The following MYO7B variants were observed in gnomAD, a reference collection of about 807,000 sequenced individuals.
The protein encoded by MYO7B is unconventional myosin-VIIb.
MYO7B carries 212 observed loss-of-function variants against 259.7 expected under a neutral mutation model. That is an observed-to-expected ratio of 0.82 (90% confidence interval 0.73 to 0.91). MYO7B has a LOEUF of 0.91. Ranked by LOEUF, MYO7B falls within the 40% of genes least tolerant of loss-of-function variation. The probability of loss-of-function intolerance (pLI) is 0.00; values close to 1 mark genes in which losing one functional copy is unlikely to be tolerated. For missense variants in MYO7B, 2,732 were observed against 2,813.5 expected (o/e 0.97, Z 0.66); for synonymous variants, 1,197 against 1,166.4 (o/e 1.03, Z -0.54).
intron 1 of MYO7B, among the ~76,000 whole-genome samples, chr2:127,541,594 T>C (rs1472387379): frequency 2.0e-5 from 3 of 152,136 alleles, no homozygotes; most frequent in Non-Finnish European, 4.4e-5. Context: ...CACTTGCCCA[T>C]ACCTACACGG....
chr2:127,617,488 T>TTTG (rs1680616067), intron 26 of MYO7B, among the ~76,000 whole-genome samples: 1 of 33,008 alleles, frequency 3.0e-5, no homozygotes, highest in Non-Finnish European at 5.4e-5. Flanking sequence ...TGTAACGGGG[T>TTTG]TTTTTTTTTT....
rs1224513223 is a variant in MYO7B at position 127,592,949 on chromosome 2, C to T, written c.2145+3C>T. On this transcript the variant is annotated splice_donor_region_variant and intron_variant, in intron 17 of 47. Coordinates refer to ENST00000409816, the MANE Select transcript of MYO7B (RefSeq NM_001393586.1). The stretch of plus-strand genomic sequence containing the variant: ...TGCCCAACGCCATGCGGATGCAGGT[C>T]AGCGCCCCTCGGGGACGGTCACCTC... 1.3e-6 allele frequency: 2 copies of T among 1,581,522 alleles called. No homozygotes were observed. The highest frequency in any genetic ancestry group is 1.7e-6 in the Non-Finnish European group (2 of 1,164,750).
In MYO7B at chr2:127,607,221, G is replaced by C. The variant is rs1179625141; in HGVS notation, c.2440G>C (p.Glu814Gln). Residue 814 changes from glutamate to glutamine, a missense_variant, in exon 21 of 48, where the codon GAG becomes CAG. Around this residue, in one of 3 missense-constraint regions of MYO7B, gnomAD observed 1,906 missense variants for 2,026.4 expected, o/e 0.94. Coordinates refer to ENST00000409816, the MANE Select transcript of MYO7B (RefSeq NM_001393586.1). The surrounding 1 kb of genome is among the most constrained non-coding windows in gnomAD (Gnocchi z 4.4). ...GCCTCCGCAGATCCTCGTGGGCTTTGAGCGCCTGCAGGCTATTGCCCGGAG... is the reference window on the plus strand; with the variant it reads ...GCCTCCGCAGATCCTCGTGGGCTTTCAGCGCCTGCAGGCTATTGCCCGGAG... ...RNFKLILVGF[E>Q]RLQAIARSQP... 1 of 1,549,208 alleles carries C rather than the reference G, an allele frequency of 6.5e-7. No individual in the cohort carries two copies. Among genetic ancestry groups the C allele is most frequent in the Non-Finnish European group, 8.7e-7 (1 of 1,146,482 alleles).
At chr2:127,573,254 C>T (rs183551552) in intron 6 of MYO7B, among the ~76,000 whole-genome samples, 1 of 152,306 alleles carries the variant, frequency 6.6e-6, no homozygotes. Context: ...TAGAAACACC[C>T]CAGCACGTCA....
At chr2:127,634,747 C>T (rs1681706974) in intron 42 of MYO7B, 64 bp downstream of exon 42, 5 of 1,404,906 alleles carry the variant, frequency 3.6e-6, no homozygotes, top group African/African-American at 1.5e-5. Flanking sequence ...GCACTGGCGG[C>T]CTCTGTGCGG....
rs1553448485 is a variant in MYO7B, at chr2:127,571,449, T to TTTTGTTTTTTTTTTTTTTG, written c.592+1542_592+1543insGTTTTTTTTTTTTTTGTTT. Reference sequence around the variant, plus strand: ...CTATTTCCTTACCAGTGAGTTTTTTTTTTTTTTTTTGCTTGTTTGTTTTTT... The same window carrying TTTTGTTTTTTTTTTTTTTG: ...CTATTTCCTTACCAGTGAGTTTTTTTTTTGTTTTTTTTTTTTTTGTTTTTTTTTTGCTTGTTTGTTTTTT... On this transcript the variant is annotated intron_variant, in intron 6 of 47. Transcript: ENST00000409816. 1.4e-5 allele frequency among the ~76,000 whole-genome samples: 2 copies of TTTTGTTTTTTTTTTTTTTG among 142,666 alleles called. 1 individual carries two copies. The highest frequency in any genetic ancestry group is 5.1e-5 in the African/African-American group (2 of 39,124). 93.6% of individuals were successfully genotyped at this position (142,666 alleles called of 152,430 possible).
chr2:127,575,562 T>C (rs1678833567), intron 7 of MYO7B, among the ~76,000 whole-genome samples: 1 of 151,960 alleles, frequency 6.6e-6, no homozygotes, highest in Non-Finnish European at 1.5e-5. Context: ...AAATATGTTT[T>C]GTGTAAAAAA....
chr2:127,629,541 C>T (rs1681346418), intron 34 of MYO7B, 104 bp from the exon 35 acceptor site: 4 of 1,191,154 alleles, frequency 3.4e-6, no homozygotes, highest in Non-Finnish European at 4.7e-6. Context: ...CTGCCCACCA[C>T]TCTATGCCTC....
rs765143129 is a variant in MYO7B at position 127,596,561 on chromosome 2, C to T, written c.2339+5C>T. 25 of 1,606,620 alleles carry T rather than the reference C, an allele frequency of 1.6e-5. No homozygotes were observed. Among genetic ancestry groups the T allele is most frequent in the Admixed American group, 6.8e-5 (4 of 59,232 alleles). ...CCTTCGGGGCTACAGATACAGGTGCCGGCCCCACCCCAAGGCCCACCCAGC... is the reference window on the plus strand; with the variant it reads ...CCTTCGGGGCTACAGATACAGGTGCTGGCCCCACCCCAAGGCCCACCCAGC... On this transcript the variant is annotated splice_donor_5th_base_variant and intron_variant, in intron 19 of 47. Transcript: ENST00000409816.
At position 127,584,273 on chromosome 2, in the gene MYO7B, C is replaced by T. The variant is rs1417991310; in HGVS notation, c.1495C>T (p.Leu499=). 1 of 1,613,914 alleles carries T rather than the reference C, an allele frequency of 6.2e-7. No homozygotes were observed. Among genetic ancestry groups the T allele is most frequent in the Non-Finnish European group, 8.5e-7 (1 of 1,179,902 alleles). Residue 499 remains leucine (L), a synonymous_variant, in exon 13 of 48, where the codon CTG becomes TTG. Transcript: ENST00000409816. This position sits in a 1 kb window ranked among gnomAD's most constrained non-coding sequence, Gnocchi z 5.8. The part of the protein sequence containing the change: ...YTDNRPTLDL[L]ALKPMSIISL... ...CGACAATCGGCCCACCCTGGACCTG[C>T]TGGCCCTCAAGCCCATGAGCATCAT...
rs780936085 is a variant in MYO7B at position 127,590,194 on chromosome 2, C to T, written c.1957C>T (p.Arg653Cys). The change falls in exon 16 of 48, where the codon CGC (arginine) becomes TGC (cysteine). Residue 653 changes from arginine (R) to cysteine (C), a missense_variant. This residue lies in a region of MYO7B where 1,906 missense variants were observed against 2,026.4 expected (regional missense o/e 0.94). Transcript: ENST00000409816. The surrounding 1 kb of genome is among the most constrained non-coding windows in gnomAD (Gnocchi z 4.6). ...GACCAACTGCCAGCCTTACTTCATC[C>T]GCTGCATCAAACCTAATGAGTACAA... The part of the protein sequence containing the change: ...ILTNCQPYFI[R>C]CIKPNEYKKP... The T allele has an allele frequency of 4.9e-5, 79 of 1,612,778 alleles. No individual in the cohort carries two copies. The highest frequency in any genetic ancestry group is 1.6e-4 in the South Asian group (15 of 91,044).
At position 127,581,899 on chromosome 2, in the gene MYO7B, C is replaced by T. The variant is rs546144639; in HGVS notation, c.1089C>T (p.His363=). The T allele has an allele frequency of 3.4e-4, 548 of 1,613,788 alleles. 3 individuals carry two copies. In the South Asian group the frequency reaches 5.6e-3, roughly 17 times the overall value. The change falls in exon 11 of 48, where the codon CAC becomes CAT. Residue 363 remains histidine, a synonymous_variant. Transcript: ENST00000409816. ...CCCACCTGCCTCCCCAGGTGCAGCA[C>T]CAGGAGCTCCGGGACTGTCTGATCA... is the stretch of plus-strand genomic sequence containing the variant. ...PTVMKLLEVQ[H]QELRDCLIKH...
chr2:127,566,598 C>T (rs1254059457), intron 4 of MYO7B, 45 bp from the exon 5 acceptor site: 9 of 1,500,954 alleles, frequency 6.0e-6, no homozygotes, highest in Non-Finnish European at 8.0e-6. Context: ...GGGCCGAGTA[C>T]CTCTGCCAGG....
intron 18 of MYO7B, 94 bp from the exon 19 acceptor site, chr2:127,596,366 TGA>T: frequency 9.9e-7 from 1 of 1,014,434 alleles, no homozygotes; most frequent in Non-Finnish European, 1.5e-6. Context: ...GGGAGAAGCC[TGA>T]GAGATGCTAC....
At chr2:127,575,590 A>C (rs567103336) in intron 7 of MYO7B, among the ~76,000 whole-genome samples, 1 of 152,308 alleles carries the variant, frequency 6.6e-6, no homozygotes, top group South Asian at 2.1e-4. Context: ...CAAAGAAAAG[A>C]AAAGAGATAA....
intron 1 of MYO7B, among the ~76,000 whole-genome samples, chr2:127,547,291 C>T (rs1425233692): frequency 1.3e-5 from 2 of 152,234 alleles, no homozygotes; most frequent in Admixed American, 1.3e-4. Flanking sequence ...GAGACACACA[C>T]TGTAACACAT....
chr2:127,581,203 C>T lies in MYO7B; in HGVS notation c.1080+381C>T, dbSNP rs116485616. Among the ~76,000 whole-genome samples, 316 of 152,274 alleles carry T rather than the reference C, an allele frequency of 2.1e-3. 1 individual carries two copies. Among genetic ancestry groups the T allele is most frequent in the African/African-American group, 7.0e-3 (291 of 41,550 alleles). On this transcript the variant is annotated intron_variant, in intron 10 of 47. Transcript: ENST00000409816. The stretch of plus-strand genomic sequence containing the variant: ...GTGCCCTCACCCCGCAGGGCTTCTC[C>T]GGGGCTTGCACTATTCTGGGAGAGT...
At position 127,611,201 on chromosome 2, in the gene MYO7B, C is replaced by T. The variant is rs1223410988; in HGVS notation, c.3193-1049C>T. On this transcript the variant is annotated intron_variant, in intron 24 of 47. Transcript: ENST00000409816. The surrounding 1 kb of genome is among the most constrained non-coding windows in gnomAD (Gnocchi z 5.4). ...CTGCCTGGGCATCCTCACAACATGG[C>T]TTCCCTCAACATGAGTGATCCAAGA... Among the ~76,000 whole-genome samples the T allele has an allele frequency of 6.6e-6, 1 of 152,244 alleles. No homozygotes were observed. Among genetic ancestry groups the T allele is most frequent in the African/African-American group, 2.4e-5 (1 of 41,470 alleles).
chr2:127,607,084 GC>G lies in MYO7B; in HGVS notation c.2425-119del. On this transcript the variant is annotated intron_variant, in intron 20 of 47. Transcript: ENST00000409816. This position sits in a 1 kb window ranked among gnomAD's most constrained non-coding sequence, Gnocchi z 4.4. ...ATAGGTGTGTACCATTCTAGCACCG[GC>G]CCTTTGCCAAAACAAAACTAACTGT... 1.1e-6 allele frequency: 1 copy of G among 871,162 alleles called. No homozygotes were observed. Among genetic ancestry groups the G allele is most frequent in the Non-Finnish European group, 1.8e-6 (1 of 568,832 alleles). 54.0% of individuals were successfully genotyped at this position (871,162 alleles called of 1,614,324 possible).
Sources: allele counts gnomAD v4.1 joint callset (sites outside exome capture counted in the v4.1 genomes callset), GRCh38; gene constraint gnomAD v4.1.1; regional missense constraint gnomAD v4.1.1; non-coding constraint Gnocchi (gnomAD v3.1); transcripts MANE v1.5; gene names NCBI Gene and HGNC (gene_info 2026-07-23, HGNC 2026-07-21).